CYTH3: variants seen among roughly 807,000 people sequenced by gnomAD.
The protein encoded by CYTH3 is cytohesin-3.
Under a neutral mutation model 55.1 loss-of-function variants are expected in CYTH3, and 23 were observed. The observed-to-expected ratio is 0.42, with a 90% CI of 0.30 to 0.59. CYTH3 has a LOEUF of 0.59. Ranked by LOEUF, CYTH3 falls within the 20% of genes least tolerant of loss-of-function variation. The pLI is 0.20. For synonymous variants in CYTH3, 249 were observed against 194.9 expected (o/e 1.28, Z -2.31); for missense variants, 413 against 524.8 (o/e 0.79, Z 2.08).
At chr7:6,222,181 T>C (rs1293602834) in intron 1 of CYTH3, among the ~76,000 whole-genome samples, 4 of 152,114 alleles carry the variant, frequency 2.6e-5, no homozygotes, top group Admixed American at 2.0e-4. Flanking sequence ...CTGAGTGAGA[T>C]GTGATCAAGG....
At chr7:6,247,302 A>T (rs577338609) in intron 1 of CYTH3, among the ~76,000 whole-genome samples, 51 of 152,338 alleles carry the variant, frequency 3.3e-4, no homozygotes, top group Admixed American at 2.2e-3. Flanking sequence ...ATTTCGTTGT[A>T]AGTAACCCTC....
chr7:6,166,297 C>A (rs568253682), intron 9 of CYTH3, among the ~76,000 whole-genome samples: 3 of 152,350 alleles, frequency 2.0e-5, no homozygotes, highest in African/African-American at 4.8e-5. Context: ...CACGCACGTA[C>A]CCCCATCTGT....
chr7:6,187,637 G>C lies in CYTH3; in HGVS notation c.182+20C>G. 1.2e-6 allele frequency: 2 copies of C among 1,600,706 alleles called. No homozygotes were observed. Among genetic ancestry groups the C allele is most frequent in the Non-Finnish European group, 1.7e-6 (2 of 1,167,746 alleles). On this transcript the variant is annotated intron_variant, in intron 3 of 12. Transcript: ENST00000350796. ...AAAGAAAAGAGTAAATAGCTTAAAG[G>C]TGTAGCCACAAATTGTTACCTCTCC...
chr7:6,179,195 G>C (rs555489728), intron 4 of CYTH3, among the ~76,000 whole-genome samples: 1 of 152,174 alleles, frequency 6.6e-6, no homozygotes, highest in African/African-American at 2.4e-5. Context: ...AGACTCTACA[G>C]CCATGAAATG....
intron 2 of CYTH3, chr7:6,188,595 G>C (rs971930802): frequency 1.3e-5 from 2 of 152,234 alleles, no homozygotes; most frequent in East Asian, 3.9e-4. Flanking sequence ...AAGCACCATG[G>C]ACAGAGCCCG....
rs1172231329 is a variant in CYTH3, at chr7:6,191,591, C to CTTTTT, written c.35-1065_35-1061dup. 6.0e-4 allele frequency among the ~76,000 whole-genome samples: 63 copies of CTTTTT among 105,060 alleles called. 1 individual carries two copies. Among genetic ancestry groups the CTTTTT allele is most frequent in the Admixed American group, 1.0e-3 (10 of 9,584 alleles). The allele number at this position is 105,060 out of a possible 152,430, so 68.9% of individuals were successfully genotyped here. A position where few individuals can be genotyped will look rare whatever the true frequency, so the allele number is the denominator to read the frequency against. Reference sequence around the variant, plus strand: ...TTTATAATTTCAGGGTAGGGAAGGACTTTTTTTTTTTTTTTTTTTTTTGAG... The same window carrying CTTTTT: ...TTTATAATTTCAGGGTAGGGAAGGACTTTTTTTTTTTTTTTTTTTTTTTTTTTGAG... On this transcript the variant is annotated intron_variant, in intron 1 of 12. Coordinates refer to ENST00000350796, the MANE Select transcript of CYTH3 (RefSeq NM_004227.4).
intron 4 of CYTH3, among the ~76,000 whole-genome samples, chr7:6,179,716 A>G (rs1210445802): frequency 2.5e-5 from 2 of 80,950 alleles, no homozygotes; most frequent in Non-Finnish European, 4.6e-5. Context: ...CACACACCCC[A>G]CACACCACAC....
intron 1 of CYTH3, among the ~76,000 whole-genome samples, chr7:6,268,294 CGT>C (rs1369369629): frequency 6.6e-6 from 1 of 151,992 alleles, no homozygotes; most frequent in Non-Finnish European, 1.5e-5. Context: ...CAGCCTCCCG[CGT>C]AGCTGAGATT....
intron 1 of CYTH3, among the ~76,000 whole-genome samples, chr7:6,201,226 C>T (rs1227105715): frequency 5.3e-5 from 8 of 152,196 alleles, no homozygotes; most frequent in Non-Finnish European, 1.2e-4. Context: ...ACTATGACAT[C>T]CAGGTGGGTA....
intron 1 of CYTH3, among the ~76,000 whole-genome samples, chr7:6,237,633 G>A (rs933211553): frequency 1.3e-5 from 2 of 151,922 alleles, no homozygotes; most frequent in South Asian, 2.1e-4. Context: ...ACTTGAACCC[G>A]GGGGGCAGAA....
chr7:6,189,433 C>T (rs367724985), intron 2 of CYTH3, among the ~76,000 whole-genome samples: 3 of 152,152 alleles, frequency 2.0e-5, no homozygotes, highest in East Asian at 3.9e-4. Context: ...CTCAGCCTCC[C>T]GAGTATCTGG....
intron 1 of CYTH3, among the ~76,000 whole-genome samples, chr7:6,265,188 T>C (rs1439824492): frequency 6.6e-6 from 1 of 151,332 alleles, no homozygotes; most frequent in Non-Finnish European, 1.5e-5. Flanking sequence ...ACTAGAGTAG[T>C]AGTCAAGGGC....
At chr7:6,244,629 T>G (rs1455378369) in intron 1 of CYTH3, among the ~76,000 whole-genome samples, 1 of 151,938 alleles carries the variant, frequency 6.6e-6, no homozygotes, top group Non-Finnish European at 1.5e-5. Flanking sequence ...CACACCCAGC[T>G]TTTAATTTTT....
intron 6 of CYTH3, among the ~76,000 whole-genome samples, chr7:6,173,351 C>T (rs1783252205): frequency 6.6e-6 from 1 of 152,168 alleles, no homozygotes; most frequent in Non-Finnish European, 1.5e-5. Flanking sequence ...CCATACAGAG[C>T]TTGGGAACAA....
At chr7:6,178,360 G>C (rs1411639550) in intron 4 of CYTH3, among the ~76,000 whole-genome samples, 1 of 152,228 alleles carries the variant, frequency 6.6e-6, no homozygotes, top group Non-Finnish European at 1.5e-5. Flanking sequence ...CAAGCGGGTG[G>C]TGCTGGTCCC....
chr7:6,206,504 T>C (rs1328866989), intron 1 of CYTH3, among the ~76,000 whole-genome samples: 1 of 152,232 alleles, frequency 6.6e-6, no homozygotes, highest in African/African-American at 2.4e-5. Context: ...TCCTGTGATG[T>C]TGCACATGGC....
In CYTH3 at chr7:6,162,632, T is replaced by TA. The variant is rs936823445; in HGVS notation, c.*2311dup. The TA allele has an allele frequency of 5.9e-5, 9 of 152,264 alleles. No homozygotes were observed. The highest frequency in any genetic ancestry group is 2.2e-4 in the African/African-American group (9 of 41,462). The allele number at this position is 152,264 out of a possible 1,614,324, so 9.4% of individuals were successfully genotyped here. ...ATACTGTCCTAACACAGCCTGGAGC[T>TA]AGGCGATTTCCTTTGACCACAAAGT... On this transcript the variant is annotated 3_prime_UTR_variant, in exon 13 of 13. Transcript: ENST00000350796.
chr7:6,165,841 C>T (rs1562872736), intron 9 of CYTH3, 31 bp from the exon 10 acceptor site: 4 of 1,612,370 alleles, frequency 2.5e-6, no homozygotes, highest in African/African-American at 1.3e-5. Context: ...TGAGTCTGCG[C>T]TCCGTGCACA....
At position 6,216,421 on chromosome 7, in the gene CYTH3, G is replaced by C. The variant is rs189555027; in HGVS notation, c.35-25890C>G. Among the ~76,000 whole-genome samples, 8 of 151,978 alleles carry C rather than the reference G, an allele frequency of 5.3e-5. No homozygotes were observed. In the East Asian group the frequency reaches 1.5e-3, roughly 29 times the overall value. On this transcript the variant is annotated intron_variant, in intron 1 of 12. Coordinates refer to ENST00000350796, the MANE Select transcript of CYTH3 (RefSeq NM_004227.4). ...TACACCTAGAGCAACCATTTAAAAA[G>C]CTATACAAAGAGATATACTCAATCA...
Sources: allele counts gnomAD v4.1 joint callset (sites outside exome capture counted in the v4.1 genomes callset), GRCh38; gene constraint gnomAD v4.1.1; transcripts MANE v1.5; gene names NCBI Gene and HGNC (gene_info 2026-07-23, HGNC 2026-07-21).